Variants in PLA2G4E observed in about 807,000 individuals in gnomAD.
The protein encoded by PLA2G4E is phospholipase A2 group IVE.
In PLA2G4E, 84 loss-of-function variants were observed where a neutral mutation model predicts 109.1. The observed-to-expected ratio is 0.77, with a 90% CI of 0.65 to 0.92. The LOEUF (loss-of-function observed/expected upper bound fraction) is 0.92, where lower values mean the gene tolerates loss of function less well. Ranked by LOEUF, PLA2G4E falls within the 40% of genes least tolerant of loss-of-function variation. The pLI is 0.00. For synonymous variants in PLA2G4E, 469 were observed against 436.1 expected (o/e 1.08, Z -0.94); for missense variants, 1,057 against 1,076.6 (o/e 0.98, Z 0.25).
intron 1 of PLA2G4E, among the ~76,000 whole-genome samples, chr15:42,036,694 GC>G (rs1429990818): frequency 2.6e-5 from 4 of 152,138 alleles, no homozygotes; most frequent in Non-Finnish European, 5.9e-5. Context: ...CTGGACACTG[GC>G]CGGGGCCCAG....
chr15:42,044,823 T>C (rs933288902), intron 1 of PLA2G4E, among the ~76,000 whole-genome samples: 2 of 151,798 alleles, frequency 1.3e-5, no homozygotes, highest in Non-Finnish European at 2.9e-5. Flanking sequence ...TGAGATCATC[T>C]GGCTGCTGGG....
exon 2 of PLA2G4E, chr15:42,013,726 A>G (rs1360458381): frequency 6.5e-7 from 1 of 1,550,318 alleles, no homozygotes. Flanking sequence ...GATGACCCTC[A>G]CTGTCAACAG....
At chr15:42,049,682 G>A (rs1021541182) in intron 1 of PLA2G4E, among the ~76,000 whole-genome samples, 1 of 152,208 alleles carries the variant, frequency 6.6e-6, no homozygotes, top group African/African-American at 2.4e-5. Context: ...CATAGGAGGT[G>A]AGGGGATCTT....
At chr15:42,050,047 C>T (rs549564183) in intron 1 of PLA2G4E, among the ~76,000 whole-genome samples, 1 of 152,326 alleles carries the variant, frequency 6.6e-6, no homozygotes, top group East Asian at 1.9e-4. Flanking sequence ...ATTACACTTA[C>T]GACCCTGCCA....
rs59453628 is a variant in PLA2G4E, at chr15:42,037,371, A to C, written c.183+13150T>G. Among the ~76,000 whole-genome samples the C allele has an allele frequency of 8.6e-3, 1,306 of 152,338 alleles. 21 individuals are homozygous for C. Among genetic ancestry groups the C allele is most frequent in the African/African-American group, 0.03 (1,252 of 41,582 alleles). ...GCTCAGCCAGAGCAGAGCGGTCGTC[A>C]GGATGACCAGCTGCTGAGAGGAGCT... On this transcript the variant is annotated intron_variant, in intron 1 of 19. Coordinates refer to ENST00000399518, the Ensembl canonical transcript of PLA2G4E.
At chr15:41,985,936 G>T (rs767161401) in exon 18 of PLA2G4E, 2 of 1,606,166 alleles carry the variant, frequency 1.2e-6, no homozygotes, top group Admixed American at 3.4e-5. Context: ...GACAAAGAAC[G>T]CAGTGTCCAG....
intron 2 of PLA2G4E, chr15:42,009,989 T>C (rs1413976907): frequency 2.9e-6 from 1 of 346,566 alleles, no homozygotes; most frequent in Non-Finnish European, 5.9e-6. Context: ...TCCATCACAC[T>C]GTGGCCACAG....
intron 2 of PLA2G4E, chr15:42,010,241 C>T (rs1566843536): frequency 8.7e-6 from 4 of 459,868 alleles, no homozygotes; most frequent in East Asian, 6.5e-5. Flanking sequence ...ATGCACTTGG[C>T]GCGCATGATT....
chr15:42,015,867 A>G (rs1620412), intron 1 of PLA2G4E, among the ~76,000 whole-genome samples: 108,970 of 152,048 alleles, frequency 0.72, 40,146 homozygotes, highest in East Asian at 0.81. Context: ...GCAGCCTCGC[A>G]CGGGTTCTCT....
At chr15:42,042,930 A>T (rs1889340890) in intron 1 of PLA2G4E, among the ~76,000 whole-genome samples, 1 of 152,220 alleles carries the variant, frequency 6.6e-6, no homozygotes. Flanking sequence ...CAAGCACCAG[A>T]AAGGGTTAGA....
intron 4 of PLA2G4E, among the ~76,000 whole-genome samples, chr15:42,005,369 C>T (rs1366464872): frequency 6.6e-6 from 1 of 152,244 alleles, no homozygotes; most frequent in Non-Finnish European, 1.5e-5. Context: ...CTGAGTCCCT[C>T]ACACCTCTTG....
intron 1 of PLA2G4E, among the ~76,000 whole-genome samples, chr15:42,024,931 T>G (rs1193346630): frequency 2.6e-5 from 4 of 152,100 alleles, no homozygotes; most frequent in Non-Finnish European, 5.9e-5. Flanking sequence ...CCAGGCGCGG[T>G]GGCTCACGCC....
intron 1 of PLA2G4E, among the ~76,000 whole-genome samples, chr15:42,038,747 C>T (rs1482369924): frequency 6.6e-6 from 1 of 152,158 alleles, no homozygotes; most frequent in East Asian, 1.9e-4. Flanking sequence ...TACAATGCTA[C>T]TGTGCACTTT....
chr15:42,010,142 C>CCCCCTG, intron 2 of PLA2G4E: 2 of 454,256 alleles, frequency 4.4e-6, no homozygotes, highest in Non-Finnish European at 8.9e-6. Flanking sequence ...GCCCCCCCAC[C>CCCCCTG]CCGGGCCTGG....
intron 8 of PLA2G4E, 50 bp from the exon 9 acceptor site, chr15:42,000,050 A>T (rs774059049): frequency 2.5e-6 from 4 of 1,573,114 alleles, no homozygotes; most frequent in Non-Finnish European, 2.6e-6. Flanking sequence ...CTCCTCTGGC[A>T]CCCCCCACCT....
chr15:42,015,432 C>T (rs1339902632), intron 1 of PLA2G4E, among the ~76,000 whole-genome samples: 3 of 152,234 alleles, frequency 2.0e-5, no homozygotes, highest in African/African-American at 4.8e-5. Flanking sequence ...TCCTGGCCAG[C>T]GTCTCTTCCA....
At chr15:42,026,522 G>T (rs2068694198) in intron 1 of PLA2G4E, among the ~76,000 whole-genome samples, 2 of 152,170 alleles carry the variant, frequency 1.3e-5, no homozygotes, top group Non-Finnish European at 2.9e-5. Flanking sequence ...AAAAAATTGA[G>T]AAAGTTGGAT....
At chr15:41,995,632 A>G in intron 11 of PLA2G4E, 136 bp from the exon 12 acceptor site, 1 of 1,118,938 alleles carries the variant, frequency 8.9e-7, no homozygotes, top group Non-Finnish European at 1.3e-6. Context: ...TGCGGCGTTG[A>G]GCCACCTGAC....
intron 1 of PLA2G4E, among the ~76,000 whole-genome samples, chr15:42,035,415 G>A (rs1889195879): frequency 6.6e-6 from 1 of 152,204 alleles, no homozygotes; most frequent in Non-Finnish European, 1.5e-5. Context: ...AAAAGCGTTG[G>A]TTATTGTCCA....
Sources: allele counts gnomAD v4.1 joint callset (sites outside exome capture counted in the v4.1 genomes callset), GRCh38; gene constraint gnomAD v4.1.1; transcripts MANE v1.5; gene names NCBI Gene and HGNC (gene_info 2026-07-23, HGNC 2026-07-21).